Variants in ZNF644 observed in about 807,000 individuals in gnomAD.
ZNF644 encodes zinc finger protein 644, also known as zinc finger motif enhancer binding protein 2.
Under a neutral mutation model 108.0 loss-of-function variants are expected in ZNF644, and 20 were observed. The observed-to-expected ratio is 0.19, with a 90% CI of 0.13 to 0.27. The LOEUF (loss-of-function observed/expected upper bound fraction) is 0.27, where lower values mean the gene tolerates loss of function less well. ZNF644 is among the 10% of genes least tolerant of loss of function. The pLI, the probability that ZNF644 is intolerant of heterozygous loss-of-function variation, is 1.00. For synonymous variants in ZNF644, 542 were observed against 539.1 expected (o/e 1.01, Z -0.08); for missense variants, 1,338 against 1,548.9 (o/e 0.86, Z 2.29).
rs1027177755 is a variant in ZNF644, at chr1:90,969,485, G to A, written c.44+12825C>T. Among the ~76,000 whole-genome samples the A allele has an allele frequency of 3.3e-5, 5 of 152,090 alleles. No homozygotes were observed. In the East Asian group the frequency reaches 5.8e-4, roughly 18 times the overall value. On this transcript the variant is annotated intron_variant, in intron 2 of 5. Coordinates refer to ENST00000337393, the MANE Select transcript of ZNF644 (RefSeq NM_201269.3). ...AACTATGGTCTGAAAATATTAAATC[G>A]AAAATTCCAAAAATAAACAATTCAA...
chr1:90,938,201 A>G lies in ZNF644; in HGVS notation c.3082+71T>C. 6.2e-7 allele frequency: 1 copy of G among 1,611,866 alleles called. No individual in the cohort carries two copies. Among genetic ancestry groups the G allele is most frequent in the Non-Finnish European group, 8.5e-7 (1 of 1,178,620 alleles). ...ATGATTCTAATAAAGACTAAATTCA[A>G]AAAAAACTTTTAAATCTTCAGAATT... On this transcript the variant is annotated intron_variant, in intron 3 of 5. Transcript: ENST00000337393. This position sits in a 1 kb window ranked among gnomAD's most constrained non-coding sequence, Gnocchi z 4.2.
intron 2 of ZNF644, among the ~76,000 whole-genome samples, chr1:90,975,439 T>A (rs899773347): frequency 1.4e-5 from 2 of 144,268 alleles, no homozygotes; most frequent in African/African-American, 4.9e-5. Flanking sequence ...ATATCTACTT[T>A]TTTTTTTTTT....
chr1:90,983,298 A>G (rs1375586974), intron 1 of ZNF644, among the ~76,000 whole-genome samples: 1 of 152,028 alleles, frequency 6.6e-6, no homozygotes, highest in Admixed American at 6.6e-5. Context: ...TCTGCCACCC[A>G]ATGCCATCAT....
chr1:90,951,317 G>T (rs1653138682), intron 2 of ZNF644, among the ~76,000 whole-genome samples: 1 of 152,092 alleles, frequency 6.6e-6, no homozygotes, highest in South Asian at 2.1e-4. Context: ...CCCTTACAAT[G>T]ACCTGAAAGG....
At position 90,987,249 on chromosome 1, in the gene ZNF644, T is replaced by G. The variant is rs1270534506; in HGVS notation, c.-17-4879A>C. 8.4e-5 allele frequency among the ~76,000 whole-genome samples: 9 copies of G among 107,692 alleles called. No individual in the cohort carries two copies. The East Asian group carries it at 2.1e-3, about 25-fold the overall frequency. 70.7% of individuals were successfully genotyped at this position (107,692 alleles called of 152,430 possible). A position where few individuals can be genotyped will look rare whatever the true frequency, so the allele number is the denominator to read the frequency against. ...AACTCAATGAAACCTAGAGTTGGTTTTTTTTTTTTTTTTTTTTTAAAAAAA... is the reference window on the plus strand; with the variant it reads ...AACTCAATGAAACCTAGAGTTGGTTGTTTTTTTTTTTTTTTTTTAAAAAAA... On this transcript the variant is annotated intron_variant, in intron 1 of 5. Coordinates refer to ENST00000337393, the MANE Select transcript of ZNF644 (RefSeq NM_201269.3).
rs532354580 is a variant in ZNF644 at position 90,957,579 on chromosome 1, T to C, written c.45-16270A>G. ...AAAAGCATTTGACAAAATTCAACAC[T>C]GTTTCATGAAAAAAGCAAAACACTC... On this transcript the variant is annotated intron_variant, in intron 2 of 5. Coordinates refer to ENST00000337393, the MANE Select transcript of ZNF644 (RefSeq NM_201269.3). Among the ~76,000 whole-genome samples the C allele has an allele frequency of 3.3e-5, 5 of 152,180 alleles. No homozygotes were observed. The South Asian group carries it at 6.2e-4, about 19-fold the overall frequency.
chr1:90,955,877 G>C (rs966107592), intron 2 of ZNF644, among the ~76,000 whole-genome samples: 1 of 152,096 alleles, frequency 6.6e-6, no homozygotes, highest in African/African-American at 2.4e-5. Flanking sequence ...AAATGTTTGC[G>C]GCAAGAGGCC....
At chr1:91,018,397 G>A (rs1055970865) in intron 1 of ZNF644, among the ~76,000 whole-genome samples, 6 of 152,088 alleles carry the variant, frequency 3.9e-5, no homozygotes, top group African/African-American at 1.2e-4. Context: ...CTCCATATAC[G>A]AAATAGACAT....
chr1:90,968,313 T>C (rs929731336), intron 2 of ZNF644, among the ~76,000 whole-genome samples: 10 of 152,142 alleles, frequency 6.6e-5, no homozygotes, highest in Non-Finnish European at 1.0e-4. Context: ...TAATTTACAA[T>C]AGGGTAATGT....
intron 2 of ZNF644, among the ~76,000 whole-genome samples, chr1:90,981,839 A>T (rs2101483202): frequency 6.6e-6 from 1 of 152,212 alleles, no homozygotes; most frequent in Non-Finnish European, 1.5e-5. Context: ...TAACAGAAAG[A>T]AATCACAATT....
At chr1:90,986,093 G>A (rs373978982) in intron 1 of ZNF644, among the ~76,000 whole-genome samples, 4 of 151,926 alleles carry the variant, frequency 2.6e-5, no homozygotes, top group African/African-American at 9.6e-5. Flanking sequence ...TAAGTGGGAG[G>A]GGGTACAAAA....
intron 4 of ZNF644, among the ~76,000 whole-genome samples, chr1:90,926,412 T>C (rs1251613561): frequency 1.3e-5 from 2 of 152,178 alleles, no homozygotes; most frequent in African/African-American, 4.8e-5. Flanking sequence ...TAACTTCCTG[T>C]CTCACCCTTC....
intron 1 of ZNF644, among the ~76,000 whole-genome samples, chr1:91,009,290 A>G (rs1292633572): frequency 6.6e-6 from 1 of 152,140 alleles, no homozygotes; most frequent in Non-Finnish European, 1.5e-5. Flanking sequence ...TAAAACTATT[A>G]GTTCCCAAGC....
intron 4 of ZNF644, among the ~76,000 whole-genome samples, chr1:90,932,187 A>C (rs1418976761): frequency 6.6e-6 from 1 of 152,190 alleles, no homozygotes; most frequent in African/African-American, 2.4e-5. Context: ...TCTTCCCTCA[A>C]AAGGTCACCA....
intron 1 of ZNF644, among the ~76,000 whole-genome samples, chr1:91,005,217 C>CA: frequency 6.6e-6 from 1 of 151,922 alleles, no homozygotes. Context: ...GACATTAAGA[C>CA]AAAAAATTGC....
At chr1:91,008,814 G>A (rs1320704789) in intron 1 of ZNF644, among the ~76,000 whole-genome samples, 2 of 152,058 alleles carry the variant, frequency 1.3e-5, no homozygotes, top group Non-Finnish European at 2.9e-5. Context: ...GGTAATAATC[G>A]CACAGATGAA....
chr1:91,011,239 G>A (rs1255644781), intron 1 of ZNF644, among the ~76,000 whole-genome samples: 3 of 152,094 alleles, frequency 2.0e-5, no homozygotes, highest in Non-Finnish European at 2.9e-5. Flanking sequence ...CCTGGAGCAA[G>A]AGTATATTAA....
At chr1:90,957,132 C>T (rs1242004499) in intron 2 of ZNF644, among the ~76,000 whole-genome samples, 4 of 151,868 alleles carry the variant, frequency 2.6e-5, no homozygotes, top group Non-Finnish European at 5.9e-5. Context: ...AGACCTAGTA[C>T]AAGTAAAGAG....
intron 4 of ZNF644, among the ~76,000 whole-genome samples, chr1:90,926,480 G>A (rs1557547898): frequency 1.3e-5 from 2 of 152,178 alleles, no homozygotes; most frequent in Non-Finnish European, 2.9e-5. Flanking sequence ...AAGCCTGCAG[G>A]CTTCAAGCTT....
Sources: allele counts gnomAD v4.1 joint callset (sites outside exome capture counted in the v4.1 genomes callset), GRCh38; gene constraint gnomAD v4.1.1; non-coding constraint Gnocchi (gnomAD v3.1); transcripts MANE v1.5; gene names NCBI Gene and HGNC (gene_info 2026-07-23, HGNC 2026-07-21).